Variants in CNTNAP2 observed in about 807,000 individuals in gnomAD.
CNTNAP2 encodes the protein contactin associated protein 2, also known as contactin-associated protein-like 2.
A neutral mutation model predicts 155.2 loss-of-function variants in CNTNAP2; 98 were observed. The observed-to-expected ratio is 0.63, with a 90% CI of 0.54 to 0.75. The LOEUF is 0.75. Ranked by LOEUF, CNTNAP2 falls within the 30% of genes least tolerant of loss-of-function variation. The probability of loss-of-function intolerance (pLI) is 0.00; values close to 1 mark genes in which losing one functional copy is unlikely to be tolerated. For synonymous variants in CNTNAP2, 651 were observed against 631.2 expected (o/e 1.03, Z -0.47); for missense variants, 1,727 against 1,688.1 (o/e 1.02, Z -0.40).
At chr7:146,805,125 A>G (rs1293756189) in intron 2 of CNTNAP2, among the ~76,000 whole-genome samples, 2 of 152,252 alleles carry the variant, frequency 1.3e-5, no homozygotes, top group Non-Finnish European at 2.9e-5. Flanking sequence ...AAAGAAAGGA[A>G]TCATAGTGTT....
At chr7:148,312,824 G>A (rs1797617438) in intron 21 of CNTNAP2, among the ~76,000 whole-genome samples, 1 of 151,834 alleles carries the variant, frequency 6.6e-6, no homozygotes, top group Non-Finnish European at 1.5e-5. Context: ...GGGTGATTAG[G>A]TTTTAATGGG....
intron 16 of CNTNAP2, among the ~76,000 whole-genome samples, chr7:148,145,480 G>A (rs184131983): frequency 2.2e-4 from 33 of 152,256 alleles, no homozygotes; most frequent in Middle Eastern, 3.4e-3. Context: ...TTATCCCTAC[G>A]AGTCAAACCT....
chr7:147,586,710 G>A (rs1196643068), intron 12 of CNTNAP2, among the ~76,000 whole-genome samples: 1 of 152,116 alleles, frequency 6.6e-6, no homozygotes, highest in African/African-American at 2.4e-5. Flanking sequence ...TGTGTTGGTT[G>A]TTCCTTGCAC....
In CNTNAP2 at chr7:147,003,727, T is replaced by C. The variant is rs981778869; in HGVS notation, c.403-40180T>C. On this transcript the variant is annotated intron_variant, in intron 3 of 23. Transcript: ENST00000361727. ...ATGTCTACTTTTGTTAGGAACCGTT[T>C]AATGCCATTTAACTGGTTGGGTGCA... 3.3e-5 allele frequency among the ~76,000 whole-genome samples: 5 copies of C among 152,104 alleles called. No individual in the cohort carries two copies. In the South Asian group the frequency reaches 1.0e-3, roughly 32 times the overall value.
chr7:146,608,260 C>T (rs1311119636), intron 1 of CNTNAP2, among the ~76,000 whole-genome samples: 2 of 152,138 alleles, frequency 1.3e-5, no homozygotes, highest in African/African-American at 4.8e-5. Flanking sequence ...AGGTTTAAAA[C>T]TCTTTAAGGC....
intron 14 of CNTNAP2, among the ~76,000 whole-genome samples, chr7:147,905,119 A>G (rs1367144578): frequency 6.6e-6 from 1 of 152,252 alleles, no homozygotes; most frequent in Non-Finnish European, 1.5e-5. Flanking sequence ...AAATGCAAAG[A>G]ACAAGAATCC....
chr7:148,087,267 T>C (rs1803752418), intron 15 of CNTNAP2, among the ~76,000 whole-genome samples: 1 of 152,204 alleles, frequency 6.6e-6, no homozygotes, highest in Admixed American at 6.5e-5. Flanking sequence ...TAAGGGAAAC[T>C]TGACTTCCTA....
intron 10 of CNTNAP2, among the ~76,000 whole-genome samples, chr7:147,476,864 G>T (rs567198398): frequency 7.9e-5 from 12 of 151,834 alleles, no homozygotes; most frequent in African/African-American, 2.7e-4. Context: ...GGAGGCGGAG[G>T]TTGCGGTGAG....
chr7:147,008,323 T>G (rs887557008), intron 3 of CNTNAP2, among the ~76,000 whole-genome samples: 2 of 152,134 alleles, frequency 1.3e-5, no homozygotes, highest in African/African-American at 4.8e-5. Context: ...TGAACTATAA[T>G]TTTTATGGTC....
intron 4 of CNTNAP2, among the ~76,000 whole-genome samples, chr7:147,073,141 C>G (rs1026520686): frequency 7.8e-6 from 1 of 128,976 alleles, no homozygotes; most frequent in African/African-American, 2.9e-5. Context: ...TTTTTTTTAA[C>G]TTTTATTTTA....
intron 19 of CNTNAP2, among the ~76,000 whole-genome samples, chr7:148,227,483 C>T (rs1795874797): frequency 2.0e-5 from 3 of 152,150 alleles, no homozygotes; most frequent in Admixed American, 2.0e-4. Flanking sequence ...TTCTGCAATC[C>T]AGGCAGAAGA....
intron 1 of CNTNAP2, among the ~76,000 whole-genome samples, chr7:146,505,435 G>A (rs79650449): frequency 0.064 from 9,746 of 152,218 alleles, 756 homozygotes; most frequent in African/African-American, 0.19. Context: ...TGCCCTGGGT[G>A]ATGGTACCAC....
intron 1 of CNTNAP2, among the ~76,000 whole-genome samples, chr7:146,279,072 T>A (rs1033230452): frequency 1.3e-5 from 2 of 152,154 alleles, no homozygotes; most frequent in African/African-American, 4.8e-5. Flanking sequence ...GTCTTCACTG[T>A]CTCAAAAACA....
chr7:148,032,144 G>A (rs979238417), intron 15 of CNTNAP2, among the ~76,000 whole-genome samples: 1 of 152,178 alleles, frequency 6.6e-6, no homozygotes, highest in Non-Finnish European at 1.5e-5. Flanking sequence ...GGCAATGGGG[G>A]AAATCCGCCT....
intron 8 of CNTNAP2, among the ~76,000 whole-genome samples, chr7:147,225,629 A>G (rs1406867200): frequency 6.6e-6 from 1 of 152,184 alleles, no homozygotes; most frequent in Non-Finnish European, 1.5e-5. Flanking sequence ...GAGCTTTAAA[A>G]TGAAACAGCA....
intron 20 of CNTNAP2, among the ~76,000 whole-genome samples, chr7:148,264,077 T>C (rs545203235): frequency 0.083 from 12,658 of 152,202 alleles, 856 homozygotes; most frequent in African/African-American, 0.18. Context: ...CCATGTATTG[T>C]ATTGGGCTGT....
rs1388848973 is a variant in CNTNAP2 at position 148,375,949 on chromosome 7, G to A, written c.3476-7700G>A. On this transcript the variant is annotated intron_variant, in intron 21 of 23. Coordinates refer to ENST00000361727, the MANE Select transcript of CNTNAP2 (RefSeq NM_014141.6). ...TGGGAGGTGGAGGTTGCAGTGAGCC[G>A]AGATTGCGCCACTGCACTCCAGCCT... is the stretch of plus-strand genomic sequence containing the variant. Among the ~76,000 whole-genome samples the A allele has an allele frequency of 1.0e-4, 6 of 59,314 alleles. 3 individuals are homozygous for A. Among genetic ancestry groups the A allele is most frequent in the East Asian group, 1.0e-3 (2 of 1,958 alleles). 38.9% of individuals were successfully genotyped at this position (59,314 alleles called of 152,430 possible). A position where few individuals can be genotyped will look rare whatever the true frequency, so the allele number is the denominator to read the frequency against.
chr7:148,393,535 T>C (rs1799400162), intron 22 of CNTNAP2, among the ~76,000 whole-genome samples: 1 of 151,144 alleles, frequency 6.6e-6, no homozygotes, highest in African/African-American at 2.5e-5. Context: ...CCACCTTTTG[T>C]TTCTACAGTG....
intron 1 of CNTNAP2, among the ~76,000 whole-genome samples, chr7:146,472,934 G>A (rs1177925991): frequency 6.7e-6 from 1 of 148,964 alleles, no homozygotes; most frequent in Non-Finnish European, 1.5e-5. Flanking sequence ...TTAGCAGTGG[G>A]ATACTAGATA....
Sources: gnomAD v4.1 joint callset for allele counts (sites outside exome capture counted in the v4.1 genomes callset) on GRCh38, gnomAD v4.1.1 for gene constraint, MANE v1.5 for transcripts, NCBI Gene and HGNC (gene_info 2026-07-23, HGNC 2026-07-21) for gene names.